AGO2: variants seen among roughly 807,000 people sequenced by gnomAD.
AGO2 encodes protein argonaute-2.
A neutral mutation model predicts 102.3 loss-of-function variants in AGO2; 5 were observed. That is an observed-to-expected ratio of 0.05 (90% CI 0.03 to 0.10). The LOEUF (loss-of-function observed/expected upper bound fraction) is 0.10, where lower values mean the gene tolerates loss of function less well. Among genes scored for constraint, AGO2 ranks in the 10% least tolerant of loss-of-function variants. The pLI is 1.00. For missense variants in AGO2, 541 were observed against 1,183.7 expected, an observed-to-expected ratio of 0.46 and a Z score of 7.97; for synonymous variants, 449 against 473.1, an observed-to-expected ratio of 0.95 and a Z score of 0.66.
chr8:140,572,754 A>G (rs2132977550), intron 3 of AGO2, 58 bp downstream of exon 3: 1 of 1,577,996 alleles, frequency 6.3e-7, no homozygotes, highest in African/African-American at 1.4e-5. Flanking sequence ...ACTTTACAAC[A>G]TGTGTGAGCT....
intron 1 of AGO2, among the ~76,000 whole-genome samples, chr8:140,609,462 C>T (rs371100423): frequency 6.6e-6 from 1 of 152,190 alleles, no homozygotes; most frequent in Non-Finnish European, 1.5e-5. Context: ...CACAGCAGGT[C>T]GGCACGGCGG....
chr8:140,588,546 A>G (rs1484186861), intron 1 of AGO2, among the ~76,000 whole-genome samples: 3 of 139,500 alleles, frequency 2.2e-5, no homozygotes, highest in Non-Finnish European at 4.6e-5. Context: ...GGCTACTACA[A>G]ACATTCCATT....
intron 2 of AGO2, among the ~76,000 whole-genome samples, chr8:140,576,766 T>C (rs2073471465): frequency 6.6e-6 from 1 of 152,184 alleles, no homozygotes; most frequent in Non-Finnish European, 1.5e-5. Context: ...ACGCAAACAT[T>C]TGCATACAAA....
chr8:140,540,983 G>T lies in AGO2; in HGVS notation c.2034+181C>A, dbSNP rs1024201931. ...TCCTGCCTCAGTGTCATGTGTTAGG[G>T]TCTCGACAGCCCCGTGTCCCATCTC... On this transcript the variant is annotated intron_variant, in intron 15 of 18. Transcript: ENST00000220592. This position sits in a 1 kb window ranked among gnomAD's most constrained non-coding sequence, Gnocchi z 5.0. Among the ~76,000 whole-genome samples, 3 of 152,086 alleles carry T rather than the reference G, an allele frequency of 2.0e-5. No individual in the cohort carries two copies. Among genetic ancestry groups the T allele is most frequent in the Non-Finnish European group, 2.9e-5 (2 of 68,008 alleles).
intron 1 of AGO2, among the ~76,000 whole-genome samples, chr8:140,610,819 A>C (rs2074066261): frequency 6.6e-6 from 1 of 152,226 alleles, no homozygotes; most frequent in Non-Finnish European, 1.5e-5. Flanking sequence ...TGAAAAAAAC[A>C]CACAGTCCCC....
Position 140,633,531 on chromosome 8 carries a change from G to A in AGO2, c.22+1954C>T, listed in dbSNP as rs184849365. 2.5e-3 allele frequency among the ~76,000 whole-genome samples: 383 copies of A among 152,358 alleles called. 1 individual carries two copies. Among genetic ancestry groups the A allele is most frequent in the Non-Finnish European group, 4.2e-3 (287 of 68,040 alleles). ...GAGCCTGTGGATCATGAGGGCCAAG[G>A]TACGCTGAAAAATGAAATCGACAAG... On this transcript the variant is annotated intron_variant, in intron 1 of 18. Coordinates refer to ENST00000220592, the MANE Select transcript of AGO2 (RefSeq NM_012154.5).
chr8:140,565,136 A>G (rs555575396), intron 3 of AGO2, among the ~76,000 whole-genome samples: 204 of 148,590 alleles, frequency 1.4e-3, no homozygotes, highest in African/African-American at 4.4e-3. Flanking sequence ...TATCTCAAAA[A>G]AACTCAACAA....
At chr8:140,535,352 T>A in intron 17 of AGO2, 116 bp downstream of exon 17, 36 of 1,020,116 alleles carry the variant, frequency 3.5e-5, no homozygotes, top group East Asian at 1.1e-4. Context: ...TGGTACTGCC[T>A]GTGTGGGCCC....
upstream of AGO2, chr8:140,636,466 T>C (rs1588525743): frequency 6.6e-6 from 1 of 151,990 alleles, no homozygotes; most frequent in Admixed American, 6.6e-5. Flanking sequence ...CTCCCCTAAG[T>C]GATGGAGGAT....
intron 10 of AGO2, chr8:140,555,687 T>G: frequency 1.5e-6 from 1 of 664,902 alleles, no homozygotes; most frequent in East Asian, 3.0e-5. Flanking sequence ...TCTGAAAACA[T>G]TAAGGATAAT....
intron 8 of AGO2, 129 bp from the exon 9 acceptor site, chr8:140,556,415 G>A (rs2073095101): frequency 8.2e-7 from 1 of 1,222,832 alleles, no homozygotes; most frequent in Non-Finnish European, 1.1e-6. Flanking sequence ...GGGCTATGAA[G>A]TGCTGTGCAG....
At chr8:140,570,033 G>A (rs1166734790) in intron 3 of AGO2, among the ~76,000 whole-genome samples, 1 of 152,258 alleles carries the variant, frequency 6.6e-6, no homozygotes, top group Admixed American at 6.5e-5. Context: ...GGGACACGAT[G>A]CGAGAAGATG....
intron 1 of AGO2, among the ~76,000 whole-genome samples, chr8:140,600,622 G>C (rs2073919366): frequency 6.6e-6 from 1 of 151,938 alleles, no homozygotes; most frequent in African/African-American, 2.4e-5. Context: ...AGTGGTTGCA[G>C]TGAGCCGAGA....
chr8:140,549,083 C>T, intron 12 of AGO2, 31 bp downstream of exon 12: 1 of 1,569,842 alleles, frequency 6.4e-7, no homozygotes, highest in Non-Finnish European at 8.7e-7. Flanking sequence ...CACGACGGCT[C>T]CCCACAGCCA....
intron 1 of AGO2, among the ~76,000 whole-genome samples, chr8:140,629,429 T>C (rs944316280): frequency 6.6e-6 from 1 of 152,044 alleles, no homozygotes; most frequent in Non-Finnish European, 1.5e-5. Flanking sequence ...ATGCTAGTCA[T>C]CCAGGCCAAA....
At chr8:140,582,489 T>C (rs556391936) in intron 2 of AGO2, among the ~76,000 whole-genome samples, 4 of 152,286 alleles carry the variant, frequency 2.6e-5, no homozygotes, top group East Asian at 3.9e-4. Flanking sequence ...AAATGAAAAC[T>C]TGAAACACTT....
At chr8:140,544,581 C>T (rs202137582) in intron 13 of AGO2, among the ~76,000 whole-genome samples, 2 of 24,308 alleles carry the variant, frequency 8.2e-5, no homozygotes, top group East Asian at 1.4e-3. Flanking sequence ...GGGCTCAGGC[C>T]CAGGCCCAGG....
upstream of AGO2, chr8:140,636,361 C>A (rs866822478): frequency 5.3e-5 from 8 of 152,234 alleles, no homozygotes; most frequent in African/African-American, 1.9e-4. Context: ...CTGCTCGGAC[C>A]GTCGTGCACC....
chr8:140,551,460 G>T (rs749593215), intron 10 of AGO2, 24 bp from the exon 11 acceptor site: 2 of 1,505,890 alleles, frequency 1.3e-6, no homozygotes, highest in East Asian at 4.9e-5. Context: ...AAGGTTCAGG[G>T]TGAGAAAAAA....
Sources: allele counts gnomAD v4.1 joint callset (sites outside exome capture counted in the v4.1 genomes callset), GRCh38; gene constraint gnomAD v4.1.1; non-coding constraint Gnocchi (gnomAD v3.1); transcripts MANE v1.5; gene names NCBI Gene and HGNC (gene_info 2026-07-23, HGNC 2026-07-21).